DLG2: variants seen among roughly 807,000 people sequenced by gnomAD.
The protein encoded by DLG2 is discs large MAGUK scaffold protein 2, also known as disks large homolog 2.
DLG2 carries 45 observed loss-of-function variants against 132.5 expected under a neutral mutation model. That is an observed-to-expected ratio of 0.34 (90% CI 0.27 to 0.44). The LOEUF is 0.44. Among genes scored for constraint, DLG2 ranks in the 20% least tolerant of loss-of-function variants. The pLI, the probability that DLG2 is intolerant of heterozygous loss-of-function variation, is 1.00. For synonymous variants in DLG2, 424 were observed against 419.6 expected, an observed-to-expected ratio of 1.01 and a Z score of -0.13; for missense variants, 1,045 against 1,196.9, an observed-to-expected ratio of 0.87 and a Z score of 1.87.
At chr11:83,687,828 AAAAC>A (rs376234339) in intron 18 of DLG2, among the ~76,000 whole-genome samples, 13 of 152,118 alleles carry the variant, frequency 8.5e-5, no homozygotes, top group Non-Finnish European at 1.2e-4. Context: ...CATCTCCACT[AAAAC>A]AAACAAACAA....
At chr11:85,075,290 G>A (rs917253048) in intron 6 of DLG2, among the ~76,000 whole-genome samples, 1 of 151,832 alleles carries the variant, frequency 6.6e-6, no homozygotes, top group African/African-American at 2.4e-5. Flanking sequence ...TATACTCAGT[G>A]ACCTAATAAT....
intron 3 of DLG2, among the ~76,000 whole-genome samples, chr11:85,399,907 C>G (rs895242738): frequency 2.6e-5 from 4 of 152,088 alleles, no homozygotes; most frequent in African/African-American, 7.2e-5. Flanking sequence ...AAAGCAATGG[C>G]AACAAAAGCC....
chr11:85,091,005 T>G (rs1028025840), intron 6 of DLG2, among the ~76,000 whole-genome samples: 1 of 152,132 alleles, frequency 6.6e-6, no homozygotes, highest in Non-Finnish European at 1.5e-5. Flanking sequence ...CATGTTCTCT[T>G]TAACAATCAG....
chr11:84,188,704 C>A lies in DLG2; in HGVS notation c.574-25193G>T, dbSNP rs546968749. On this transcript the variant is annotated intron_variant, in intron 8 of 27. Transcript: ENST00000376104. ...AGCTCTCCCTAAATATTCTCTTTTG[C>A]TCCTCCCACTTCTTCAACGGGAATG... Among the ~76,000 whole-genome samples, 110 of 152,130 alleles carry A rather than the reference C, an allele frequency of 7.2e-4. 1 individual carries two copies. The highest frequency in any genetic ancestry group is 6.5e-4 in the Non-Finnish European group (44 of 68,000).
At chr11:84,455,910 T>C (rs534495817) in intron 7 of DLG2, among the ~76,000 whole-genome samples, 1 of 151,346 alleles carries the variant, frequency 6.6e-6, no homozygotes, top group South Asian at 2.1e-4. Flanking sequence ...CAGCTCAAAT[T>C]GCATTCTTGA....
chr11:84,235,184 G>A (rs1360246665), intron 8 of DLG2, among the ~76,000 whole-genome samples: 1 of 152,144 alleles, frequency 6.6e-6, no homozygotes, highest in Non-Finnish European at 1.5e-5. Flanking sequence ...TCTTCAAGTT[G>A]TTCCACTTTT....
chr11:85,486,045 C>A (rs1001764935), intron 3 of DLG2, among the ~76,000 whole-genome samples: 1 of 152,214 alleles, frequency 6.6e-6, no homozygotes, highest in Admixed American at 6.5e-5. Flanking sequence ...TGTCTACTTG[C>A]CCACAGTGCG....
chr11:85,494,571 G>A (rs2093630445), intron 3 of DLG2, among the ~76,000 whole-genome samples: 1 of 151,774 alleles, frequency 6.6e-6, no homozygotes. Flanking sequence ...CAGTCTCCTG[G>A]ATTATGCTGC....
At position 83,753,802 on chromosome 11, in the gene DLG2, CATATATATCAT is replaced by C. The variant is rs1437476741; in HGVS notation, c.1825+32877_1825+32887del. ...TATATATGTCATATATATGATATAT[CATATATATCAT>C]ATATATATTTCATATATATATGATA... On this transcript the variant is annotated intron_variant, in intron 18 of 27. Coordinates refer to ENST00000376104, the MANE Select transcript of DLG2 (RefSeq NM_001142699.3). Among the ~76,000 whole-genome samples, 210 of 111,368 alleles carry C rather than the reference CATATATATCAT, an allele frequency of 1.9e-3. 27 individuals carry two copies. The highest frequency in any genetic ancestry group is 7.8e-3 in the African/African-American group (206 of 26,310). 73.1% of individuals were successfully genotyped at this position (111,368 alleles called of 152,430 possible). A position where few individuals can be genotyped will look rare whatever the true frequency, so the allele number is the denominator to read the frequency against.
At chr11:84,311,316 A>G (rs1257786420) in intron 7 of DLG2, among the ~76,000 whole-genome samples, 2 of 152,208 alleles carry the variant, frequency 1.3e-5, no homozygotes, top group Admixed American at 6.5e-5. Flanking sequence ...AACAATAATA[A>G]ATACCATTTA....
intron 3 of DLG2, among the ~76,000 whole-genome samples, chr11:85,409,545 AAGG>A (rs1006400200): frequency 2.6e-5 from 4 of 152,070 alleles, no homozygotes; most frequent in African/African-American, 9.6e-5. Flanking sequence ...GCCTAGGATT[AAGG>A]AGTTCAATGG....
chr11:84,953,335 G>T (rs767632265), intron 6 of DLG2, among the ~76,000 whole-genome samples: 1 of 152,080 alleles, frequency 6.6e-6, no homozygotes, highest in African/African-American at 2.4e-5. Flanking sequence ...GAAGTTCCCC[G>T]GATGTGCAAT....
At chr11:84,006,894 T>C (rs904811311) in intron 11 of DLG2, among the ~76,000 whole-genome samples, 9 of 151,708 alleles carry the variant, frequency 5.9e-5, no homozygotes, top group African/African-American at 2.2e-4. Flanking sequence ...TCATATCTTC[T>C]TCACAAAACC....
At chr11:85,381,720 T>C (rs2085906988) in intron 3 of DLG2, among the ~76,000 whole-genome samples, 1 of 152,048 alleles carries the variant, frequency 6.6e-6, no homozygotes, top group Non-Finnish European at 1.5e-5. Flanking sequence ...CAATGAACAG[T>C]CCAAAAATAA....
At position 85,395,741 on chromosome 11, in the gene DLG2, G is replaced by A. The variant is rs531018384; in HGVS notation, c.41-110376C>T. Among the ~76,000 whole-genome samples the A allele has an allele frequency of 5.9e-5, 9 of 152,136 alleles. No individual in the cohort carries two copies. In the South Asian group the frequency reaches 8.3e-4, roughly 14 times the overall value. ...ATTGCTGAGGCTTGAGTAGCTCACA[G>A]TGTAAACAAAGAGGCCAGGAAGCAC... On this transcript the variant is annotated intron_variant, in intron 3 of 27. Transcript: ENST00000376104.
intron 6 of DLG2, among the ~76,000 whole-genome samples, chr11:85,072,298 T>C (rs2065975131): frequency 6.6e-6 from 1 of 151,836 alleles, no homozygotes; most frequent in African/African-American, 2.4e-5. Flanking sequence ...TCTTCCTGTG[T>C]CCATGGTTCT....
intron 7 of DLG2, among the ~76,000 whole-genome samples, chr11:84,417,829 C>T (rs2098935058): frequency 1.3e-5 from 2 of 152,262 alleles, no homozygotes; most frequent in East Asian, 3.9e-4. Flanking sequence ...TCACTTTATT[C>T]AGGAAGCCTT....
At chr11:85,323,915 T>A (rs2081259896) in intron 3 of DLG2, among the ~76,000 whole-genome samples, 1 of 152,222 alleles carries the variant, frequency 6.6e-6, no homozygotes, top group Non-Finnish European at 1.5e-5. Context: ...ATGGACACTT[T>A]GCCAATTCAC....
At chr11:84,155,958 C>A (rs1283571810) in intron 9 of DLG2, among the ~76,000 whole-genome samples, 1 of 152,014 alleles carries the variant, frequency 6.6e-6, no homozygotes, top group Non-Finnish European at 1.5e-5. Flanking sequence ...ACTTTGGCTG[C>A]AATATTGCAC....
Sources: gnomAD v4.1 joint callset for allele counts (sites outside exome capture counted in the v4.1 genomes callset) on GRCh38, gnomAD v4.1.1 for gene constraint, MANE v1.5 for transcripts, NCBI Gene and HGNC (gene_info 2026-07-23, HGNC 2026-07-21) for gene names.